The following FBXO3 variants were observed in gnomAD, a reference collection of about 807,000 sequenced individuals.
FBXO3 encodes the protein F-box protein 3.
FBXO3 carries 17 observed loss-of-function variants against 64.8 expected under a neutral mutation model. The ratio of observed to expected loss-of-function variants is 0.26; its 90% CI spans 0.18 to 0.39. FBXO3 has a LOEUF of 0.39. Among genes scored for constraint, FBXO3 ranks in the 10% least tolerant of loss-of-function variants. The pLI, the probability that FBXO3 is intolerant of heterozygous loss-of-function variation, is 1.00. For synonymous variants in FBXO3, 182 were observed against 201.6 expected, an observed-to-expected ratio of 0.90 and a Z score of 0.82; for missense variants, 420 against 589.9, an observed-to-expected ratio of 0.71 and a Z score of 2.98.
chr11:33,773,326 A>G (rs770316703), intron 1 of FBXO3: 1 of 152,274 alleles, frequency 6.6e-6, no homozygotes, highest in African/African-American at 2.4e-5. Context: ...CAGTACAGGT[A>G]GTGACCAAAA....
chr11:33,759,309 C>A (rs907724963), intron 3 of FBXO3, among the ~76,000 whole-genome samples: 1 of 152,112 alleles, frequency 6.6e-6, no homozygotes, highest in Non-Finnish European at 1.5e-5. Context: ...TGTCTTTAGA[C>A]AAGAATTGCT....
At chr11:33,762,083 A>G (rs1317869427) in intron 3 of FBXO3, among the ~76,000 whole-genome samples, 1 of 152,230 alleles carries the variant, frequency 6.6e-6, no homozygotes, top group South Asian at 2.1e-4. Flanking sequence ...CTAATGGAAG[A>G]AAATCAGTTA....
intron 10 of FBXO3, chr11:33,745,713 T>A (rs1424602397): frequency 6.6e-6 from 1 of 152,022 alleles, no homozygotes; most frequent in East Asian, 1.9e-4. Context: ...ATTACTAATA[T>A]AAACTTCTAC....
At chr11:33,764,896 C>T (rs1219779818) in intron 3 of FBXO3, among the ~76,000 whole-genome samples, 3 of 152,082 alleles carry the variant, frequency 2.0e-5, no homozygotes, top group African/African-American at 7.2e-5. Context: ...ATCGCTTGAA[C>T]CTGGGAGGCA....
At chr11:33,769,163 A>C in intron 2 of FBXO3, 149 bp from the exon 3 acceptor site, 1 of 623,484 alleles carries the variant, frequency 1.6e-6, no homozygotes, top group Non-Finnish European at 2.4e-6. Context: ...AAAAAGTGAT[A>C]TATACATAAA....
chr11:33,763,191 T>G (rs1855284276), intron 3 of FBXO3: 1 of 393,104 alleles, frequency 2.5e-6, no homozygotes, highest in African/African-American at 2.1e-5. Flanking sequence ...AAGCAAAAAA[T>G]AAGACCAAGC....
At chr11:33,746,735 A>C (rs896966917) in intron 10 of FBXO3, 21 of 1,423,890 alleles carry the variant, frequency 1.5e-5, no homozygotes, top group Non-Finnish European at 1.9e-5. Context: ...ACACATCCAC[A>C]CATTAAATTT....
rs1206522779 is a variant in FBXO3, at chr11:33,768,936, G to A, written c.273C>T (p.Asp91=). 1 of 1,613,814 alleles carries A rather than the reference G, an allele frequency of 6.2e-7. No homozygotes were observed. The highest frequency in any genetic ancestry group is 8.5e-7 in the Non-Finnish European group (1 of 1,179,846). The stretch of plus-strand genomic sequence containing the variant: ...AGGCCTTTTTAATAGCAGCATAATG[G>A]TCAATGTATCTTCCTACATCAGAGT... ...DTYSDVGRYI[D]HYAAIKKAWD... is the part of the protein sequence containing the mutation. The change falls in exon 3 of 11, where the codon GAC becomes GAT. Residue 91 remains aspartate, a synonymous_variant. Transcript: ENST00000265651.
At chr11:33,767,287 TA>T (rs1855396929) in intron 3 of FBXO3, among the ~76,000 whole-genome samples, 1 of 152,066 alleles carries the variant, frequency 6.6e-6, no homozygotes, top group South Asian at 2.1e-4. Flanking sequence ...TTAAACAACT[TA>T]GTTTTTTTTT....
intron 5 of FBXO3, 89 bp downstream of exon 5, chr11:33,755,682 T>C: frequency 1.0e-6 from 1 of 956,128 alleles, no homozygotes. Flanking sequence ...TCTATACCCA[T>C]TCTACAATCC....
At chr11:33,742,153 C>T in intron 10 of FBXO3, 69 bp from the exon 11 acceptor site, 1 of 1,382,740 alleles carries the variant, frequency 7.2e-7, no homozygotes, top group Non-Finnish European at 9.5e-7. Flanking sequence ...CATGTAAATT[C>T]TCATTTATCT....
intron 1 of FBXO3, chr11:33,772,715 A>G (rs576245247): frequency 6.6e-6 from 1 of 152,360 alleles, no homozygotes; most frequent in African/African-American, 2.4e-5. Context: ...GCGCTTGCCC[A>G]CTGGACTGTA....
rs1048256203 is a variant in FBXO3, at chr11:33,741,418, A to G, written c.*490T>C. On this transcript the variant is annotated 3_prime_UTR_variant, in exon 11 of 11. Transcript: ENST00000265651. ...CCACTAGCGTTCAAGTTGTTTAGTC[A>G]ATTAGTTCTCTGTGAGTACAAAATA... 2.0e-5 allele frequency: 3 copies of G among 152,734 alleles called. No individual in the cohort carries two copies. The highest frequency in any genetic ancestry group is 2.0e-4 in the Admixed American group (3 of 15,290). 9.5% of individuals were successfully genotyped at this position (152,734 alleles called of 1,614,324 possible). A position where few individuals can be genotyped will look rare whatever the true frequency, so the allele number is the denominator to read the frequency against.
chr11:33,768,816 T>C, intron 3 of FBXO3, 35 bp downstream of exon 3: 1 of 1,612,714 alleles, frequency 6.2e-7, no homozygotes, highest in Non-Finnish European at 8.5e-7. Context: ...CTAACAGTAA[T>C]GGAAACGGGG....
Position 33,758,513 on chromosome 11 carries a change from G to T in FBXO3, c.447C>A (p.His149Gln). Residue 149 changes from histidine to glutamine, a missense_variant, in exon 4 of 11, where the codon CAC (histidine) becomes CAA (glutamine). Transcript: ENST00000265651. ...PDDYRCSYRI[H>Q]NGQKLVVPGL... The stretch of plus-strand genomic sequence containing the variant: ...CAGGAACCACTAACTTCTGTCCATT[G>T]TGAATTCGGTATGAACATCGATAAT... 1 of 1,606,038 alleles carries T rather than the reference G, an allele frequency of 6.2e-7. No homozygotes were observed.
intron 2 of FBXO3, among the ~76,000 whole-genome samples, chr11:33,770,479 G>C (rs1440879330): frequency 6.6e-6 from 1 of 152,226 alleles, no homozygotes; most frequent in Non-Finnish European, 1.5e-5. Flanking sequence ...GGAAGTCAGG[G>C]AGGGAGATTC....
chr11:33,764,228 A>G (rs910643571), intron 3 of FBXO3, among the ~76,000 whole-genome samples: 4 of 152,350 alleles, frequency 2.6e-5, no homozygotes, highest in Non-Finnish European at 5.9e-5. Flanking sequence ...GAATCTCACA[A>G]AGTAGAAATA....
Position 33,764,504 on chromosome 11 carries a change from C to T in FBXO3, c.358+4347G>A, listed in dbSNP as rs143546321. Among the ~76,000 whole-genome samples, 216 of 152,018 alleles carry T rather than the reference C, an allele frequency of 1.4e-3. 2 individuals are homozygous for T. Among genetic ancestry groups the T allele is most frequent in the African/African-American group, 4.8e-3 (199 of 41,424 alleles). ...TAAAACCATTAGTGACAGCATGTAC[C>T]GCTGGATATAATGTGAGGAGAAGGG... On this transcript the variant is annotated intron_variant, in intron 3 of 10. Coordinates refer to ENST00000265651, the MANE Select transcript of FBXO3 (RefSeq NM_012175.4).
At chr11:33,758,677 C>T in intron 3 of FBXO3, 76 bp from the exon 4 acceptor site, 1 of 960,046 alleles carries the variant, frequency 1.0e-6, no homozygotes, top group Non-Finnish European at 1.5e-6. Context: ...TATCTGCTAA[C>T]TAATGAAACA....
Sources: allele counts gnomAD v4.1 joint callset (sites outside exome capture counted in the v4.1 genomes callset), GRCh38; gene constraint gnomAD v4.1.1; transcripts MANE v1.5; gene names NCBI Gene and HGNC (gene_info 2026-07-23, HGNC 2026-07-21).